CDS2: variants seen among roughly 807,000 people sequenced by gnomAD.
CDS2 encodes the protein CDP-diacylglycerol synthase 2.
Under a neutral mutation model 59.0 loss-of-function variants are expected in CDS2, and 47 were observed. The ratio of observed to expected loss-of-function variants is 0.80; its 90% CI spans 0.63 to 1.02. The LOEUF (loss-of-function observed/expected upper bound fraction) is 1.02, where lower values mean the gene tolerates loss of function less well. Ranked by LOEUF, CDS2 falls within the 50% of genes least tolerant of loss-of-function variation. The pLI is 0.00. For synonymous variants in CDS2, 207 were observed against 206.4 expected (o/e 1.00, Z -0.02); for missense variants, 356 against 558.9 (o/e 0.64, Z 3.66).
intron 1 of CDS2, among the ~76,000 whole-genome samples, chr20:5,137,228 CA>C (rs1418592771): frequency 6.8e-6 from 1 of 147,880 alleles, no homozygotes; most frequent in Non-Finnish European, 1.5e-5. Context: ...TTCTTTCTGT[CA>C]CCCTCCCTCA....
chr20:5,144,416 G>A (rs2090722554), intron 1 of CDS2, among the ~76,000 whole-genome samples: 1 of 152,114 alleles, frequency 6.6e-6, no homozygotes, highest in African/African-American at 2.4e-5. Flanking sequence ...TTCATATTAG[G>A]CAGATGGTCA....
At chr20:5,177,168 T>C (rs1333709633) in intron 4 of CDS2, among the ~76,000 whole-genome samples, 1 of 152,140 alleles carries the variant, frequency 6.6e-6, no homozygotes, top group Non-Finnish European at 1.5e-5. Context: ...CCTTAAACTC[T>C]GCATGATGAT....
chr20:5,152,675 G>A (rs556663370), intron 1 of CDS2, among the ~76,000 whole-genome samples: 36 of 152,162 alleles, frequency 2.4e-4, no homozygotes, highest in South Asian at 1.0e-3. Context: ...CTCGGGAGGC[G>A]GAGGTTGCAG....
At chr20:5,156,676 T>G (rs1024460730) in intron 1 of CDS2, among the ~76,000 whole-genome samples, 5 of 152,206 alleles carry the variant, frequency 3.3e-5, no homozygotes, top group Admixed American at 2.0e-4. Flanking sequence ...CTCATGTAAC[T>G]TAGAAGACTA....
intron 1 of CDS2, among the ~76,000 whole-genome samples, chr20:5,139,587 A>G (rs962498622): frequency 3.3e-5 from 5 of 152,106 alleles, no homozygotes; most frequent in African/African-American, 1.2e-4. Flanking sequence ...ATGATTTCCA[A>G]TACTATGTTG....
intron 2 of CDS2, 149 bp downstream of exon 2, chr20:5,173,808 G>GCAC: frequency 2.2e-6 from 2 of 918,268 alleles, no homozygotes; most frequent in South Asian, 3.1e-5. Context: ...GCTCCATTGA[G>GCAC]TGTAATCTAG....
intron 1 of CDS2, among the ~76,000 whole-genome samples, chr20:5,132,266 A>C (rs1177195054): frequency 6.6e-6 from 1 of 151,856 alleles, no homozygotes; most frequent in African/African-American, 2.4e-5. Context: ...CCCAACTAAT[A>C]TTTTTATTTT....
chr20:5,151,860 G>A (rs765105371), intron 1 of CDS2, among the ~76,000 whole-genome samples: 2 of 145,370 alleles, frequency 1.4e-5, no homozygotes, highest in Non-Finnish European at 3.0e-5. Context: ...TGCCTCCCAG[G>A]TTCAAGCAAT....
In CDS2 at chr20:5,190,659, T is replaced by C. The variant is rs1264602725; in HGVS notation, c.*425T>C. The C allele has an allele frequency of 6.5e-6, 1 of 152,774 alleles. No individual in the cohort carries two copies. Among genetic ancestry groups the C allele is most frequent in the Non-Finnish European group, 1.5e-5 (1 of 68,436 alleles). The allele number at this position is 152,774 out of a possible 1,614,324, so 9.5% of individuals were successfully genotyped here. A position where few individuals can be genotyped will look rare whatever the true frequency, so the allele number is the denominator to read the frequency against. Reference sequence around the variant, plus strand: ...CCCCACCTGTGGTGGGAGGCACAGCTTAGATGTTTTGTACACCTGGTCTTT... The same window carrying C: ...CCCCACCTGTGGTGGGAGGCACAGCCTAGATGTTTTGTACACCTGGTCTTT... On this transcript the variant is annotated 3_prime_UTR_variant, in exon 13 of 13. Transcript: ENST00000460006.
At chr20:5,177,992 A>G (rs1392223089) in intron 4 of CDS2, among the ~76,000 whole-genome samples, 1 of 152,224 alleles carries the variant, frequency 6.6e-6, no homozygotes, top group Non-Finnish European at 1.5e-5. Flanking sequence ...TGTACTTCAT[A>G]ATTTAAAAAA....
intron 3 of CDS2, chr20:5,176,420 G>C (rs1355518008): frequency 1.9e-6 from 1 of 514,816 alleles, no homozygotes; most frequent in Non-Finnish European, 3.5e-6. Context: ...GAAACATCAG[G>C]GTGTGTATTT....
intron 1 of CDS2, among the ~76,000 whole-genome samples, chr20:5,152,909 C>T (rs2090804029): frequency 6.6e-6 from 1 of 152,176 alleles, no homozygotes; most frequent in Admixed American, 6.5e-5. Flanking sequence ...ACTGGAAAAG[C>T]ATGCCATTTA....
At chr20:5,175,118 T>C in intron 2 of CDS2, 65 bp from the exon 3 acceptor site, 1 of 1,143,540 alleles carries the variant, frequency 8.7e-7, no homozygotes, top group South Asian at 1.2e-5. Flanking sequence ...TCCCTTGAGT[T>C]TGTGCATTGG....
intron 1 of CDS2, among the ~76,000 whole-genome samples, chr20:5,134,390 A>C (rs6107581): frequency 0.18 from 26,985 of 152,168 alleles, 3,767 homozygotes; most frequent in African/African-American, 0.39. Flanking sequence ...TGGTGTTATC[A>C]GTGTTCATAA....
In CDS2 at chr20:5,192,672, C is replaced by G. The variant is rs1869689869; in HGVS notation, c.*2438C>G. 1 of 152,120 alleles carries G rather than the reference C, an allele frequency of 6.6e-6. No homozygotes were observed. Among genetic ancestry groups the G allele is most frequent in the South Asian group, 2.1e-4 (1 of 4,818 alleles). 9.4% of individuals were successfully genotyped at this position (152,120 alleles called of 1,614,324 possible). A position where few individuals can be genotyped will look rare whatever the true frequency, so the allele number is the denominator to read the frequency against. On this transcript the variant is annotated 3_prime_UTR_variant, in exon 13 of 13. Coordinates refer to ENST00000460006, the MANE Select transcript of CDS2 (RefSeq NM_003818.4). The stretch of plus-strand genomic sequence containing the variant: ...AAATGTGACTGCAACTGTGTGCCCT[C>G]CCTTGTCGTGAATTCCCTGTTTATC...
intron 3 of CDS2, 106 bp downstream of exon 3, chr20:5,175,385 C>G (rs2090987700): frequency 1.2e-6 from 1 of 834,742 alleles, no homozygotes; most frequent in South Asian, 1.5e-5. Context: ...GACGGGGGTC[C>G]AGGCTTCTCA....
At chr20:5,133,669 G>T (rs1358671888) in intron 1 of CDS2, among the ~76,000 whole-genome samples, 1 of 151,980 alleles carries the variant, frequency 6.6e-6, no homozygotes, top group African/African-American at 2.4e-5. Context: ...CTGGGATTAC[G>T]GGCATGCCAC....
intron 1 of CDS2, among the ~76,000 whole-genome samples, chr20:5,135,107 A>G (rs1950220617): frequency 6.6e-6 from 1 of 152,106 alleles, no homozygotes. Context: ...AAATATATAC[A>G]TACTTATTTT....
chr20:5,170,118 G>A (rs148449065), intron 1 of CDS2, among the ~76,000 whole-genome samples: 67 of 152,258 alleles, frequency 4.4e-4, no homozygotes, highest in African/African-American at 1.3e-3. Context: ...TTCCTTCGCC[G>A]CTGAAGACCA....
Sources: allele counts gnomAD v4.1 joint callset (sites outside exome capture counted in the v4.1 genomes callset), GRCh38; gene constraint gnomAD v4.1.1; transcripts MANE v1.5; gene names NCBI Gene and HGNC (gene_info 2026-07-23, HGNC 2026-07-21).